RAPGEF4: variants seen among roughly 807,000 people sequenced by gnomAD.
The protein encoded by RAPGEF4 is RAP guanine-nucleotide-exchange factor (GEF) 4.
RAPGEF4 carries 66 observed loss-of-function variants against 147.9 expected under a neutral mutation model. The ratio of observed to expected loss-of-function variants is 0.45; its 90% CI spans 0.37 to 0.55. The LOEUF is 0.55. Ranked by LOEUF, RAPGEF4 falls within the 20% of genes least tolerant of loss-of-function variation. The pLI is 0.00. For synonymous variants in RAPGEF4, 419 were observed against 442.7 expected, an observed-to-expected ratio of 0.95 and a Z score of 0.67; for missense variants, 1,071 against 1,257.3, an observed-to-expected ratio of 0.85 and a Z score of 2.24.
intron 2 of RAPGEF4, among the ~76,000 whole-genome samples, chr2:172,797,074 T>C (rs1381018174): frequency 6.6e-6 from 1 of 152,172 alleles, no homozygotes; most frequent in Non-Finnish European, 1.5e-5. Context: ...ATAAAAAGAA[T>C]AAGAAAATGG....
chr2:172,771,648 T>TAA (rs1278482174), intron 1 of RAPGEF4, among the ~76,000 whole-genome samples: 1 of 152,126 alleles, frequency 6.6e-6, no homozygotes, highest in Non-Finnish European at 1.5e-5. Flanking sequence ...TCTCACTATA[T>TAA]TGCCCAGGCT....
At chr2:172,867,258 C>T (rs1694755489) in intron 4 of RAPGEF4, among the ~76,000 whole-genome samples, 1 of 152,044 alleles carries the variant, frequency 6.6e-6, no homozygotes, top group Admixed American at 6.5e-5. Flanking sequence ...CAGGTGTGAG[C>T]CACTGTGCCC....
At position 172,742,710 on chromosome 2, in the gene RAPGEF4, G is replaced by A. The variant is rs77456279; in HGVS notation, c.65+6662G>A. Among the ~76,000 whole-genome samples the A allele has an allele frequency of 1.5e-3, 222 of 152,314 alleles. 6 individuals carry two copies. In the East Asian group the frequency reaches 0.036, roughly 24 times the overall value. ...ATTTGAGAACAATACAACCTCATATGTAATTAGGGTTAAATTCTGTTGTGC... is the reference window on the plus strand; with the variant it reads ...ATTTGAGAACAATACAACCTCATATATAATTAGGGTTAAATTCTGTTGTGC... On this transcript the variant is annotated intron_variant, in intron 1 of 30. Transcript: ENST00000397081.
chr2:172,741,321 C>G (rs1694274958), intron 1 of RAPGEF4, among the ~76,000 whole-genome samples: 2 of 152,228 alleles, frequency 1.3e-5, no homozygotes, highest in Non-Finnish European at 2.9e-5. Context: ...TTATCTTCAG[C>G]TTCAGTGCAG....
chr2:172,861,517 A>T (rs377660654), intron 4 of RAPGEF4, among the ~76,000 whole-genome samples: 1 of 152,218 alleles, frequency 6.6e-6, no homozygotes, highest in Non-Finnish European at 1.5e-5. Context: ...TACCAGGAAG[A>T]TGGTGTCCCT....
At chr2:172,784,509 C>T (rs1163712114) in intron 1 of RAPGEF4, among the ~76,000 whole-genome samples, 2 of 140,686 alleles carry the variant, frequency 1.4e-5, no homozygotes, top group Non-Finnish European at 3.1e-5. Flanking sequence ...CAGAGCGAAA[C>T]TCTTAAAAAA....
At chr2:172,980,121 T>C (rs1314753164) in intron 10 of RAPGEF4, among the ~76,000 whole-genome samples, 1 of 152,058 alleles carries the variant, frequency 6.6e-6, no homozygotes, top group Non-Finnish European at 1.5e-5. Flanking sequence ...AAAAGCTTAG[T>C]GTGTTCGAGG....
intron 6 of RAPGEF4, among the ~76,000 whole-genome samples, chr2:172,927,908 C>A (rs974517830): frequency 5.9e-5 from 9 of 152,154 alleles, no homozygotes; most frequent in Admixed American, 5.9e-4. Context: ...TGTAACTGGC[C>A]AGGGTACAAA....
At chr2:172,804,464 T>G (rs1687284880) in intron 3 of RAPGEF4, among the ~76,000 whole-genome samples, 2 of 152,154 alleles carry the variant, frequency 1.3e-5, no homozygotes, top group South Asian at 4.1e-4. Flanking sequence ...CTTTCTTTGG[T>G]TTGAGCCTAC....
intron 10 of RAPGEF4, among the ~76,000 whole-genome samples, chr2:172,968,766 T>C (rs1690138345): frequency 6.6e-6 from 1 of 152,198 alleles, no homozygotes; most frequent in Non-Finnish European, 1.5e-5. Flanking sequence ...GTATGCTTTC[T>C]CTGCCCTGAA....
chr2:172,777,351 T>C (rs969722140), intron 1 of RAPGEF4, among the ~76,000 whole-genome samples: 2 of 152,056 alleles, frequency 1.3e-5, no homozygotes, highest in African/African-American at 4.8e-5. Context: ...GTACTGGAGA[T>C]ACAATAGTTA....
At chr2:173,039,082 G>C (rs917546936) in intron 29 of RAPGEF4, among the ~76,000 whole-genome samples, 1 of 152,150 alleles carries the variant, frequency 6.6e-6, no homozygotes, top group Non-Finnish European at 1.5e-5. Context: ...GAATAGCTAC[G>C]ATAGCCAGCA....
intron 10 of RAPGEF4, among the ~76,000 whole-genome samples, chr2:172,981,279 C>T (rs915922500): frequency 2.6e-5 from 4 of 152,202 alleles, no homozygotes; most frequent in African/African-American, 4.8e-5. Context: ...GATCCATAAT[C>T]CTATTACGCC....
chr2:173,021,762 C>T (rs1207052450), intron 23 of RAPGEF4, among the ~76,000 whole-genome samples: 1 of 152,148 alleles, frequency 6.6e-6, no homozygotes, highest in Non-Finnish European at 1.5e-5. Flanking sequence ...GTTTCAGGCT[C>T]ATCATAATCC....
chr2:172,799,205 T>C (rs1686714010), intron 3 of RAPGEF4, among the ~76,000 whole-genome samples: 1 of 152,204 alleles, frequency 6.6e-6, no homozygotes, highest in South Asian at 2.1e-4. Flanking sequence ...TAACAGGTAT[T>C]TATTTACTTC....
At chr2:173,003,153 A>T (rs1278118726) in intron 17 of RAPGEF4, among the ~76,000 whole-genome samples, 1 of 152,030 alleles carries the variant, frequency 6.6e-6, no homozygotes, top group Non-Finnish European at 1.5e-5. Context: ...TCAGATTCTA[A>T]CTTCTTCGTG....
intron 4 of RAPGEF4, among the ~76,000 whole-genome samples, chr2:172,851,471 G>A (rs1008700835): frequency 4.6e-5 from 7 of 152,024 alleles, no homozygotes; most frequent in Non-Finnish European, 1.0e-4. Flanking sequence ...CAAGTATCGA[G>A]CGACTATAAA....
At chr2:173,018,068 TTATAA>T in intron 21 of RAPGEF4, among the ~76,000 whole-genome samples, 1 of 152,340 alleles carries the variant, frequency 6.6e-6, no homozygotes, top group African/African-American at 2.4e-5. Flanking sequence ...AACCCAGGAA[TTATAA>T]TATAATAATG....
chr2:172,968,182 G>A (rs1690061130), intron 10 of RAPGEF4, among the ~76,000 whole-genome samples: 1 of 152,214 alleles, frequency 6.6e-6, no homozygotes, highest in African/African-American at 2.4e-5. Flanking sequence ...AACCTTTTCA[G>A]TTAGCGGTGA....
Sources: allele counts gnomAD v4.1 joint callset (sites outside exome capture counted in the v4.1 genomes callset), GRCh38; gene constraint gnomAD v4.1.1; transcripts MANE v1.5; gene names NCBI Gene and HGNC (gene_info 2026-07-23, HGNC 2026-07-21).